CEP112: variants seen among roughly 807,000 people sequenced by gnomAD.
The protein encoded by CEP112 is centrosomal protein 112, also known as centrosomal protein of 112 kDa.
In CEP112, 127 loss-of-function variants were observed where a neutral mutation model predicts 153.0. That is an observed-to-expected ratio of 0.83 (90% confidence interval 0.72 to 0.96). CEP112 has a LOEUF of 0.96. Among genes scored for constraint, CEP112 ranks in the 40% least tolerant of loss-of-function variants. CEP112 has a pLI of 0.00. For missense variants in CEP112, 1,089 were observed against 1,101.2 expected, an observed-to-expected ratio of 0.99 and a Z score of 0.16; for synonymous variants, 358 against 374.4, an observed-to-expected ratio of 0.96 and a Z score of 0.51.
rs72490412 is a variant in CEP112, at chr17:65,660,552, C to T, written c.2698-19487G>A. Among the ~76,000 whole-genome samples, 22 of 110,788 alleles carry T rather than the reference C, an allele frequency of 2.0e-4. No individual in the cohort carries two copies. The East Asian group carries it at 6.5e-3, about 33-fold the overall frequency. The allele number at this position is 110,788 out of a possible 152,430, so 72.7% of individuals were successfully genotyped here. On this transcript the variant is annotated intron_variant, in intron 24 of 26. Transcript: ENST00000535342. ...TTCCTTTCTTCTCTTTTTTTCTTCT[C>T]GTTTCTTTTTCAGACAGGTTCTCAC...
At chr17:66,078,291 ACT>A (rs2146146985) in intron 8 of CEP112, among the ~76,000 whole-genome samples, 1 of 132,530 alleles carries the variant, frequency 7.5e-6, no homozygotes, top group South Asian at 2.3e-4. Context: ...ACGGAGTCTC[ACT>A]CTGTTCCCAT....
intron 21 of CEP112, chr17:65,826,255 G>T (rs1451239329): frequency 6.2e-7 from 1 of 1,613,964 alleles, no homozygotes; most frequent in Non-Finnish European, 8.5e-7. Flanking sequence ...TCAGGGCTTG[G>T]TTTTCCTTGG....
chr17:65,640,616 C>T (rs909737463), intron 25 of CEP112, among the ~76,000 whole-genome samples: 1 of 152,140 alleles, frequency 6.6e-6, no homozygotes, highest in African/African-American at 2.4e-5. Flanking sequence ...TTTCTCTGCC[C>T]TTCTGCACAG....
chr17:65,795,996 C>T lies in CEP112; in HGVS notation c.2395-45272G>A, dbSNP rs183582074. The stretch of plus-strand genomic sequence containing the variant: ...TCAGGTAGAGTTTGCCCTGGCCACA[C>T]GGGGTCTGCCCTTTGAATGTTTTCT... On this transcript the variant is annotated intron_variant, in intron 21 of 26. Transcript: ENST00000535342. Among the ~76,000 whole-genome samples, 38 of 152,202 alleles carry T rather than the reference C, an allele frequency of 2.5e-4. 1 individual carries two copies. In the East Asian group the frequency reaches 3.1e-3, roughly 12 times the overall value.
At chr17:66,186,867 T>G (rs929669856) in intron 1 of CEP112, among the ~76,000 whole-genome samples, 1 of 152,186 alleles carries the variant, frequency 6.6e-6, no homozygotes, top group Non-Finnish European at 1.5e-5. Context: ...TCATAAATCT[T>G]GCTTCAGGGA....
At chr17:65,684,486 T>C (rs1012238063) in intron 24 of CEP112, among the ~76,000 whole-genome samples, 29 of 152,216 alleles carry the variant, frequency 1.9e-4, no homozygotes, top group African/African-American at 6.5e-4. Context: ...GGTGTCTTTG[T>C]TATAAATACA....
intron 26 of CEP112, 97 bp from the exon 27 acceptor site, chr17:65,636,071 A>C: frequency 8.5e-7 from 1 of 1,178,354 alleles, no homozygotes; most frequent in South Asian, 1.3e-5. Flanking sequence ...ATAGGGGTTG[A>C]AAAGGCTATT....
Position 65,967,574 on chromosome 17 carries a change from G to A in CEP112, c.1737-5976C>T, listed in dbSNP as rs1351891625. On this transcript the variant is annotated intron_variant, in intron 17 of 26. Coordinates refer to ENST00000535342, the MANE Select transcript of CEP112 (RefSeq NM_001199165.4). ...GAGAAAAATAAAATGATGCAATATC[G>A]TACACATTAAATCTTGTGACAAATT... is the stretch of plus-strand genomic sequence containing the variant. Among the ~76,000 whole-genome samples the A allele has an allele frequency of 5.9e-5, 9 of 152,088 alleles. No individual in the cohort carries two copies. In the East Asian group the frequency reaches 7.7e-4, roughly 13 times the overall value.
intron 6 of CEP112, among the ~76,000 whole-genome samples, chr17:66,128,922 T>C (rs970851484): frequency 2.0e-5 from 3 of 152,312 alleles, no homozygotes; most frequent in African/African-American, 7.2e-5. Flanking sequence ...AGATATGTTA[T>C]ATAACAAAAT....
At chr17:65,982,510 T>C (rs1223293825) in intron 17 of CEP112, among the ~76,000 whole-genome samples, 2 of 152,202 alleles carry the variant, frequency 1.3e-5, no homozygotes, top group Non-Finnish European at 2.9e-5. Flanking sequence ...ACTAGCCCAC[T>C]AGAAAAACAT....
intron 4 of CEP112, among the ~76,000 whole-genome samples, chr17:66,134,261 A>G (rs1001051364): frequency 1.3e-5 from 2 of 152,200 alleles, no homozygotes; most frequent in African/African-American, 4.8e-5. Context: ...GCATACATAA[A>G]ACGACACACC....
intron 23 of CEP112, among the ~76,000 whole-genome samples, chr17:65,718,257 A>G (rs2049658267): frequency 6.6e-6 from 1 of 151,860 alleles, no homozygotes; most frequent in African/African-American, 2.4e-5. Flanking sequence ...AATACAAAAA[A>G]TCTAGCTGGG....
chr17:65,750,608 G>A (rs1244643246), intron 22 of CEP112, 54 bp downstream of exon 22: 26 of 1,451,390 alleles, frequency 1.8e-5, no homozygotes, highest in Non-Finnish European at 2.4e-5. Context: ...TTTATGTGGA[G>A]GTTTCATTTT....
chr17:65,937,572 G>A lies in CEP112; in HGVS notation c.1873-9883C>T, dbSNP rs550941654. ...GCCCCGTCCGGGAGGGAGGTGGGGG[G>A]GGTCAGCCCCCCACCCGGCCAGCCG... On this transcript the variant is annotated intron_variant, in intron 18 of 26. Transcript: ENST00000535342. 7.5e-5 allele frequency among the ~76,000 whole-genome samples: 8 copies of A among 106,272 alleles called. 1 individual carries two copies. The highest frequency in any genetic ancestry group is 1.1e-4 in the Admixed American group (1 of 8,922). The allele number at this position is 106,272 out of a possible 152,430, so 69.7% of individuals were successfully genotyped here. A position where few individuals can be genotyped will look rare whatever the true frequency, so the allele number is the denominator to read the frequency against.
At chr17:65,704,558 T>TTAC (rs1254562851) in intron 23 of CEP112, among the ~76,000 whole-genome samples, 1 of 151,898 alleles carries the variant, frequency 6.6e-6, no homozygotes, top group African/African-American at 2.4e-5. Flanking sequence ...CATTAGGGTA[T>TTAC]TACTATGTTA....
chr17:66,141,844 A>C (rs1234229626), intron 4 of CEP112, among the ~76,000 whole-genome samples: 1 of 152,220 alleles, frequency 6.6e-6, no homozygotes, highest in Non-Finnish European at 1.5e-5. Context: ...CAGTGAACAC[A>C]GGAGTACAGA....
At chr17:66,090,871 T>C (rs1483305529) in intron 8 of CEP112, among the ~76,000 whole-genome samples, 1 of 151,836 alleles carries the variant, frequency 6.6e-6, no homozygotes, top group Admixed American at 6.6e-5. Context: ...CAAACGGAAA[T>C]GGAAAGAGCG....
chr17:65,964,114 A>T (rs2062322692), intron 17 of CEP112, among the ~76,000 whole-genome samples: 1 of 152,226 alleles, frequency 6.6e-6, no homozygotes, highest in Admixed American at 6.5e-5. Flanking sequence ...GGAAGTTTTT[A>T]AAAGCTATTC....
At chr17:65,996,452 T>C (rs1039579187) in intron 17 of CEP112, among the ~76,000 whole-genome samples, 3 of 152,204 alleles carry the variant, frequency 2.0e-5, no homozygotes, top group Non-Finnish European at 2.9e-5. Flanking sequence ...CAGCTATCTC[T>C]TAGAAATTAT....
Sources: allele counts gnomAD v4.1 joint callset (sites outside exome capture counted in the v4.1 genomes callset), GRCh38; gene constraint gnomAD v4.1.1; transcripts MANE v1.5; gene names NCBI Gene and HGNC (gene_info 2026-07-23, HGNC 2026-07-21).